IKZF1: variants seen among roughly 807,000 people sequenced by gnomAD.
IKZF1 encodes IKAROS family zinc finger 1.
Under a neutral mutation model 51.7 loss-of-function variants are expected in IKZF1, and 10 were observed. The ratio of observed to expected loss-of-function variants is 0.19; its 90% CI spans 0.12 to 0.33. IKZF1 has a LOEUF of 0.33. IKZF1 is among the 10% of genes least tolerant of loss of function. The pLI, the probability that IKZF1 is intolerant of heterozygous loss-of-function variation, is 1.00. For missense variants in IKZF1, 484 were observed against 707.5 expected (o/e 0.68, Z 3.58); for synonymous variants, 280 against 282.3 (o/e 0.99, Z 0.08).
intron 1 of IKZF1, among the ~76,000 whole-genome samples, chr7:50,312,657 C>T (rs1790487032): frequency 6.6e-6 from 1 of 152,238 alleles, no homozygotes; most frequent in Non-Finnish European, 1.5e-5. Context: ...ATTCAAACAG[C>T]ATAGTTTTTA....
intron 7 of IKZF1, 22 bp from the exon 8 acceptor site, chr7:50,399,896 C>T (rs371533303): frequency 6.3e-7 from 1 of 1,597,892 alleles, no homozygotes; most frequent in Non-Finnish European, 8.5e-7. Context: ...GCGCCCCACT[C>T]ACTGTCGCCT....
chr7:50,345,700 G>A (rs967686656), intron 3 of IKZF1, among the ~76,000 whole-genome samples: 1 of 152,170 alleles, frequency 6.6e-6, no homozygotes, highest in East Asian at 1.9e-4. Flanking sequence ...AGAAAAAAAA[G>A]GTAAAAGATA....
intron 1 of IKZF1, chr7:50,318,412 C>A: frequency 4.4e-6 from 1 of 229,446 alleles, no homozygotes; most frequent in East Asian, 6.2e-5. Context: ...CGTCACTTCT[C>A]CCCGTGTAAG....
rs373090787 is a variant in IKZF1 at position 50,382,769 on chromosome 7, G to C, written c.589+62G>C. 23 of 1,527,722 alleles carry C rather than the reference G, an allele frequency of 1.5e-5. No homozygotes were observed. In the South Asian group the frequency reaches 2.3e-4, roughly 16 times the overall value. 94.6% of individuals were successfully genotyped at this position (1,527,722 alleles called of 1,614,324 possible). ...GTCCCGGGATTCCTCCACTCTGCCCGCCTGGGTCCCGGATTGTGTCCTTGC... is the reference window on the plus strand; with the variant it reads ...GTCCCGGGATTCCTCCACTCTGCCCCCCTGGGTCCCGGATTGTGTCCTTGC... On this transcript the variant is annotated intron_variant, in intron 5 of 7. Transcript: ENST00000331340.
Position 50,399,789 on chromosome 7 carries a change from C to T in IKZF1, c.851-129C>T, listed in dbSNP as rs143855660. On this transcript the variant is annotated intron_variant, in intron 7 of 7. Coordinates refer to ENST00000331340, the MANE Select transcript of IKZF1 (RefSeq NM_006060.6). ...TGTGTATGTGTGCAGGTGTGGGGTC[C>T]GCAGGCGTGCTGGGCCCCCAGGCCG... 76 of 1,399,686 alleles carry T rather than the reference C, an allele frequency of 5.4e-5. No homozygotes were observed. In the African/African-American group the frequency reaches 1.0e-3, roughly 19 times the overall value. The allele number at this position is 1,399,686 out of a possible 1,614,324, so 86.7% of individuals were successfully genotyped here.
At chr7:50,311,827 T>C (rs1474057997) in intron 1 of IKZF1, among the ~76,000 whole-genome samples, 4 of 152,208 alleles carry the variant, frequency 2.6e-5, no homozygotes, top group African/African-American at 9.7e-5. Context: ...ATGGCCTTGC[T>C]GAGGGAAAAA....
chr7:50,361,634 T>A (rs1266072703), intron 3 of IKZF1, among the ~76,000 whole-genome samples: 1 of 152,130 alleles, frequency 6.6e-6, no homozygotes, highest in Non-Finnish European at 1.5e-5. Context: ...TCCCAGCACT[T>A]TGGGAGGCCG....
At chr7:50,317,258 T>G (rs1405352085) in intron 1 of IKZF1, among the ~76,000 whole-genome samples, 1 of 152,248 alleles carries the variant, frequency 6.6e-6, no homozygotes, top group East Asian at 1.9e-4. Context: ...CAGAGGTATT[T>G]AAGACCCGGT....
chr7:50,320,593 C>T (rs566768364), intron 2 of IKZF1, among the ~76,000 whole-genome samples: 1 of 152,314 alleles, frequency 6.6e-6, no homozygotes, highest in African/African-American at 2.4e-5. Context: ...CTCCCCCGAC[C>T]TTTCCAGCCT....
rs184710845 is a variant in IKZF1 at position 50,307,202 on chromosome 7, T to G, written c.-15+2280T>G. ...TTTGAGTGTTGCATAATTGTACGTA[T>G]TAATGTAATGTAACTGTGGTTAACG... On this transcript the variant is annotated intron_variant, in intron 1 of 7. Coordinates refer to ENST00000331340, the MANE Select transcript of IKZF1 (RefSeq NM_006060.6). 2.7e-3 allele frequency among the ~76,000 whole-genome samples: 408 copies of G among 152,334 alleles called. 2 individuals are homozygous for G. The highest frequency in any genetic ancestry group is 4.4e-3 in the Non-Finnish European group (297 of 68,022).
At chr7:50,352,611 T>C (rs576906744) in intron 3 of IKZF1, among the ~76,000 whole-genome samples, 1 of 152,352 alleles carries the variant, frequency 6.6e-6, no homozygotes, top group South Asian at 2.1e-4. Flanking sequence ...CTGGTGATTC[T>C]GTTGATCTTA....
chr7:50,362,895 G>A (rs945153827), intron 3 of IKZF1, among the ~76,000 whole-genome samples: 5 of 152,172 alleles, frequency 3.3e-5, no homozygotes, highest in African/African-American at 9.7e-5. Flanking sequence ...GCCAGACGGT[G>A]GACAGGAAAC....
At chr7:50,354,785 G>C (rs1229781856) in intron 3 of IKZF1, among the ~76,000 whole-genome samples, 1 of 152,078 alleles carries the variant, frequency 6.6e-6, no homozygotes, top group African/African-American at 2.4e-5. Context: ...GTCTCCCCAT[G>C]ATGGGGATGG....
chr7:50,371,766 A>G (rs1584854833), intron 3 of IKZF1, among the ~76,000 whole-genome samples: 1 of 151,732 alleles, frequency 6.6e-6, no homozygotes, highest in South Asian at 2.1e-4. Flanking sequence ...CCAGTGACTG[A>G]CTCTTCCAAA....
chr7:50,399,107 TC>T (rs1299718915), intron 7 of IKZF1, among the ~76,000 whole-genome samples: 1 of 152,186 alleles, frequency 6.6e-6, no homozygotes, highest in Non-Finnish European at 1.5e-5. Flanking sequence ...CAACAGTAGT[TC>T]CTTGTACATC....
In IKZF1 at chr7:50,402,169, ACT is replaced by A. The variant is rs199553079; in HGVS notation, c.*1546_*1547del. On this transcript the variant is annotated 3_prime_UTR_variant, in exon 8 of 8. Coordinates refer to ENST00000331340, the MANE Select transcript of IKZF1 (RefSeq NM_006060.6). ...AATGCTATCAATCATTAAGGTCATT[ACT>A]CTCAACCACCTAGGCAATGAAGAAT... The A allele has an allele frequency of 5.1e-3, 1,177 of 230,652 alleles. 7 individuals are homozygous for A. The highest frequency in any genetic ancestry group is 0.017 in the African/African-American group (765 of 45,284). 14.3% of individuals were successfully genotyped at this position (230,652 alleles called of 1,614,324 possible).
chr7:50,360,132 A>G (rs1176814842), intron 3 of IKZF1, among the ~76,000 whole-genome samples: 1 of 151,862 alleles, frequency 6.6e-6, no homozygotes, highest in Non-Finnish European at 1.5e-5. Context: ...GAATTCTGAC[A>G]GGGACCCGTT....
At chr7:50,334,322 A>G (rs1584552967) in intron 3 of IKZF1, among the ~76,000 whole-genome samples, 1 of 152,050 alleles carries the variant, frequency 6.6e-6, no homozygotes, top group Non-Finnish European at 1.5e-5. Flanking sequence ...GTGTTTGTGT[A>G]TATGTGCATG....
chr7:50,380,944 A>C (rs934643110), intron 4 of IKZF1, among the ~76,000 whole-genome samples: 2 of 152,044 alleles, frequency 1.3e-5, no homozygotes, highest in Admixed American at 1.3e-4. Flanking sequence ...TCACCTTCCA[A>C]CCTGCTTACG....
Sources: gnomAD v4.1 joint callset for allele counts (sites outside exome capture counted in the v4.1 genomes callset) on GRCh38, gnomAD v4.1.1 for gene constraint, MANE v1.5 for transcripts, NCBI Gene and HGNC (gene_info 2026-07-23, HGNC 2026-07-21) for gene names.